CCNJL: variants seen among roughly 807,000 people sequenced by gnomAD.
CCNJL encodes the protein cyclin-J-like protein.
CCNJL carries 33 observed loss-of-function variants against 33.4 expected under a neutral mutation model. That is an observed-to-expected ratio of 0.99 (90% CI 0.75 to 1.32). The LOEUF (loss-of-function observed/expected upper bound fraction) is 1.32. CCNJL is among the 40% of genes most tolerant of loss of function. The pLI is 0.00. For missense variants in CCNJL, 512 were observed against 499.7 expected (o/e 1.02, Z -0.23); for synonymous variants, 227 against 220.9 (o/e 1.03, Z -0.24).
chr5:160,290,966 T>C lies in CCNJL; in HGVS notation c.67-10228A>G, dbSNP rs11744326. On this transcript the variant is annotated intron_variant, in intron 2 of 5. Transcript: ENST00000257536. ...ACTCACACCAGTAATTGCAACACTT[T>C]GGGAGGCTGAGACAGGAGGATCGCT... 5.9e-3 allele frequency among the ~76,000 whole-genome samples: 854 copies of C among 143,854 alleles called. 7 individuals carry two copies. The highest frequency in any genetic ancestry group is 0.01 in the Admixed American group (140 of 13,842). 94.4% of individuals were successfully genotyped at this position (143,854 alleles called of 152,430 possible). A position where few individuals can be genotyped will look rare whatever the true frequency, so the allele number is the denominator to read the frequency against.
chr5:160,265,150 C>A (rs556465410), intron 3 of CCNJL, among the ~76,000 whole-genome samples: 55 of 152,312 alleles, frequency 3.6e-4, no homozygotes, highest in African/African-American at 1.3e-3. Context: ...ACTAGACAGA[C>A]CGTGTTCTGC....
chr5:160,313,882 G>T (rs1026894970), upstream of CCNJL, among the ~76,000 whole-genome samples: 16 of 152,194 alleles, frequency 1.1e-4, no homozygotes, highest in African/African-American at 3.9e-4. Context: ...AAAATGGGGG[G>T]ATGGCGGGGC....
At chr5:160,276,594 A>G (rs1380730804) in intron 3 of CCNJL, among the ~76,000 whole-genome samples, 3 of 152,172 alleles carry the variant, frequency 2.0e-5, no homozygotes, top group Non-Finnish European at 4.4e-5. Context: ...CAGAAAGCAG[A>G]TTAGTGGCTG....
intron 3 of CCNJL, among the ~76,000 whole-genome samples, chr5:160,275,245 T>G (rs149559478): frequency 2.6e-5 from 4 of 151,992 alleles, no homozygotes; most frequent in African/African-American, 9.7e-5. Context: ...CCACCATGCC[T>G]GGCTAATTTT....
intron 1 of CCNJL, among the ~76,000 whole-genome samples, chr5:160,328,859 A>C (rs1271131662): frequency 1.3e-5 from 2 of 151,630 alleles, no homozygotes; most frequent in Admixed American, 1.3e-4. Context: ...CAGCCTGGGC[A>C]AGAGAGCGAG....
intron 2 of CCNJL, among the ~76,000 whole-genome samples, chr5:160,286,003 A>C (rs1302444199): frequency 6.6e-6 from 1 of 152,192 alleles, no homozygotes; most frequent in Non-Finnish European, 1.5e-5. Flanking sequence ...CTCTAAGCAC[A>C]GGGCTCTAAG....
intron 3 of CCNJL, among the ~76,000 whole-genome samples, chr5:160,263,884 ATTTTTC>A (rs1761454234): frequency 6.7e-6 from 1 of 149,058 alleles, no homozygotes; most frequent in South Asian, 2.1e-4. Flanking sequence ...TTCCATCTAC[ATTTTTC>A]TTTTTGATGT....
At chr5:160,268,244 G>A (rs1761689337) in intron 3 of CCNJL, among the ~76,000 whole-genome samples, 1 of 152,224 alleles carries the variant, frequency 6.6e-6, no homozygotes, top group South Asian at 2.1e-4. Context: ...ACCATGCTCT[G>A]GCAGGCTGTT....
At chr5:160,266,280 A>C (rs1229031785) in intron 3 of CCNJL, among the ~76,000 whole-genome samples, 1 of 152,256 alleles carries the variant, frequency 6.6e-6, no homozygotes, top group Non-Finnish European at 1.5e-5. Context: ...AAGGGAGGCC[A>C]GTGTCCCAGG....
intron 1 of CCNJL, among the ~76,000 whole-genome samples, chr5:160,329,976 C>T (rs1305599068): frequency 6.6e-6 from 1 of 152,156 alleles, no homozygotes; most frequent in African/African-American, 2.4e-5. Flanking sequence ...CCACCCCTGC[C>T]TCTTTCCAAC....
At chr5:160,308,602 A>G (rs1763167101) in intron 2 of CCNJL, among the ~76,000 whole-genome samples, 1 of 152,204 alleles carries the variant, frequency 6.6e-6, no homozygotes, top group South Asian at 2.1e-4. Context: ...TACTAAAAAT[A>G]CGAAAATTAG....
chr5:160,313,619 C>T (rs74760620), upstream of CCNJL, among the ~76,000 whole-genome samples: 933 of 152,220 alleles, frequency 6.1e-3, 12 homozygotes, highest in African/African-American at 0.021. Context: ...AACAAACGAA[C>T]CATTTTAAAA....
rs1490731419 is a variant in CCNJL at position 160,339,363 on chromosome 5, A to T, written n.206+82T>A. ...TATAATGAGCAACATGCAAAACAAA[A>T]AAAAAAAACAAAAAAAAACGCCAAA... On this transcript the variant is annotated intron_variant and non_coding_transcript_variant, in intron 1 of 7. Coordinates refer to the CCNJL transcript ENST00000377503. 49 of 322,496 alleles carry T rather than the reference A, an allele frequency of 1.5e-4. 1 individual carries two copies. The East Asian group carries it at 3.6e-3, about 24-fold the overall frequency. The allele number at this position is 322,496 out of a possible 1,614,324, so 20.0% of individuals were successfully genotyped here.
chr5:160,273,901 G>A (rs1253942839), intron 3 of CCNJL, among the ~76,000 whole-genome samples: 1 of 151,660 alleles, frequency 6.6e-6, no homozygotes, highest in Non-Finnish European at 1.5e-5. Context: ...CACCCACCTC[G>A]GCCTCCCAAA....
chr5:160,290,122 T>C (rs897025735), intron 2 of CCNJL, among the ~76,000 whole-genome samples: 1 of 152,202 alleles, frequency 6.6e-6, no homozygotes, highest in Non-Finnish European at 1.5e-5. Flanking sequence ...GTTTCTTCTA[T>C]TAGGGGAGGA....
intron 1 of CCNJL, among the ~76,000 whole-genome samples, chr5:160,323,018 A>AG (rs1276839765): frequency 6.6e-6 from 1 of 151,854 alleles, no homozygotes; most frequent in Non-Finnish European, 1.5e-5. Context: ...GTGGATCACA[A>AG]GGTCAGGAGC....
Position 160,253,554 on chromosome 5 carries a change from G to A in CCNJL, c.988C>T (p.Leu330Phe), listed in dbSNP as rs1760906600. The change falls in exon 6 of 6, where the codon CTC becomes TTC. Residue 330 changes from leucine to phenylalanine, a missense_variant. Leu to Phe is a conservative substitution (Grantham distance 22). Transcript: ENST00000257536. ...SLLSGSTGSS[L>F]HTPYQPLQPL... Reference sequence around the variant, plus strand: ...TGCAGCGGTTGGTACGGGGTGTGGAGGGATGAGCCTGTACTCCCCGAGAGC... The same window carrying A: ...TGCAGCGGTTGGTACGGGGTGTGGAAGGATGAGCCTGTACTCCCCGAGAGC... The A allele has an allele frequency of 4.3e-6, 7 of 1,614,196 alleles. No homozygotes were observed. Among genetic ancestry groups the A allele is most frequent in the Non-Finnish European group, 5.9e-6 (7 of 1,180,032 alleles).
chr5:160,275,925 A>G (rs1317451497), intron 3 of CCNJL, among the ~76,000 whole-genome samples: 1 of 152,074 alleles, frequency 6.6e-6, no homozygotes, highest in African/African-American at 2.4e-5. Flanking sequence ...CCATAATCCA[A>G]CCCATAGGCA....
At chr5:160,339,391 C>A (rs1425140922) in intron 1 of CCNJL, 3 of 375,956 alleles carry the variant, frequency 8.0e-6, no homozygotes, top group South Asian at 2.0e-5. Flanking sequence ...ACGCCAAAAC[C>A]CCAAAACACA....
Sources: gnomAD v4.1 joint callset for allele counts (sites outside exome capture counted in the v4.1 genomes callset) on GRCh38, gnomAD v4.1.1 for gene constraint, MANE v1.5 for transcripts, NCBI Gene and HGNC (gene_info 2026-07-23, HGNC 2026-07-21) for gene names.